SATB2: variants seen among roughly 807,000 people sequenced by gnomAD.
SATB2 encodes DNA-binding protein SATB2.
SATB2 carries 1 observed loss-of-function variant against 73.4 expected under a neutral mutation model. The observed-to-expected ratio is 0.01, with a 90% CI of 0.00 to 0.06. SATB2 has a LOEUF of 0.06. SATB2 is among the 10% of genes least tolerant of loss of function. SATB2 has a pLI of 1.00. For missense variants in SATB2, 459 were observed against 945.8 expected, an observed-to-expected ratio of 0.49 and a Z score of 6.75; for synonymous variants, 397 against 367.0, an observed-to-expected ratio of 1.08 and a Z score of -0.93.
At chr2:199,432,842 C>T (rs950348527) in intron 3 of SATB2, among the ~76,000 whole-genome samples, 3 of 152,038 alleles carry the variant, frequency 2.0e-5, no homozygotes, top group African/African-American at 7.2e-5. Flanking sequence ...AAAGACATGG[C>T]AATATTTTTT....
chr2:199,337,532 C>A (rs1053901255), intron 7 of SATB2, among the ~76,000 whole-genome samples: 1 of 152,000 alleles, frequency 6.6e-6, no homozygotes, highest in East Asian at 1.9e-4. Context: ...TTCATGAAGC[C>A]TTTGCTTTAG....
intron 2 of SATB2, among the ~76,000 whole-genome samples, chr2:199,454,776 G>A (rs948933216): frequency 6.6e-6 from 1 of 152,194 alleles, no homozygotes; most frequent in East Asian, 1.9e-4. Context: ...ACTCTTTAAG[G>A]AGGAATGAAC....
At chr2:199,470,578 A>G (rs1692684260) in intron 1 of SATB2, 1 of 152,320 alleles carries the variant, frequency 6.6e-6, no homozygotes, top group African/African-American at 2.4e-5. Flanking sequence ...TTATGCCCAT[A>G]TATTTGTTAA....
Position 199,308,699 on chromosome 2 carries a change from G to A in SATB2, c.1740+61C>T. The A allele has an allele frequency of 2.1e-6, 3 of 1,452,030 alleles. No individual in the cohort carries two copies. The highest frequency in any genetic ancestry group is 1.9e-6 in the Non-Finnish European group (2 of 1,036,804). 89.9% of individuals were successfully genotyped at this position (1,452,030 alleles called of 1,614,324 possible). A position where few individuals can be genotyped will look rare whatever the true frequency, so the allele number is the denominator to read the frequency against. ...GTGGTGTGTGCCACTTGGACCCTCA[G>A]CAGCTACTGCTGGCACACAGAGCCC... On this transcript the variant is annotated intron_variant, in intron 10 of 10. Transcript: ENST00000417098. The surrounding 1 kb of genome is among the most constrained non-coding windows in gnomAD (Gnocchi z 4.6).
intron 3 of SATB2, among the ~76,000 whole-genome samples, chr2:199,409,767 T>C (rs1371013611): frequency 6.6e-6 from 1 of 152,160 alleles, no homozygotes; most frequent in African/African-American, 2.4e-5. Flanking sequence ...ATGCAAGCAC[T>C]ATTTAGCATT....
intron 3 of SATB2, among the ~76,000 whole-genome samples, chr2:199,422,289 T>C (rs1014113936): frequency 1.3e-5 from 2 of 151,186 alleles, no homozygotes; most frequent in Non-Finnish European, 3.0e-5. Context: ...TCTTCTACTT[T>C]TAAAAATTTT....
rs896006201 is a variant in SATB2 at position 199,270,247 on chromosome 2, C to G, written c.*1964G>C. ...TTAAACATCATTATTTGAAAAAGTACAGGAAAATGTCCCTTTAAAAACTCC... is the reference window on the plus strand; with the variant it reads ...TTAAACATCATTATTTGAAAAAGTAGAGGAAAATGTCCCTTTAAAAACTCC... On this transcript the variant is annotated 3_prime_UTR_variant, in exon 11 of 11. Transcript: ENST00000417098. 2.6e-5 allele frequency: 4 copies of G among 152,702 alleles called. No individual in the cohort carries two copies. Among genetic ancestry groups the G allele is most frequent in the Admixed American group, 1.3e-4 (2 of 15,280 alleles). 9.5% of individuals were successfully genotyped at this position (152,702 alleles called of 1,614,324 possible).
chr2:199,324,573 C>T (rs1055603849), intron 8 of SATB2, among the ~76,000 whole-genome samples: 3 of 151,974 alleles, frequency 2.0e-5, no homozygotes, highest in African/African-American at 4.8e-5. Context: ...TTTGATGTGC[C>T]GTTTTCATTT....
intron 5 of SATB2, among the ~76,000 whole-genome samples, chr2:199,373,813 T>C (rs1689518449): frequency 6.6e-6 from 1 of 152,188 alleles, no homozygotes; most frequent in Admixed American, 6.5e-5. Flanking sequence ...CAAACTAAAA[T>C]AACCTCACAT....
At chr2:199,319,924 G>A (rs1426858763) in intron 9 of SATB2, among the ~76,000 whole-genome samples, 1 of 152,032 alleles carries the variant, frequency 6.6e-6, no homozygotes, top group Non-Finnish European at 1.5e-5. Context: ...TGAGGATGTT[G>A]TCAAAGTACA....
At chr2:199,430,646 A>C (rs891763705) in intron 3 of SATB2, among the ~76,000 whole-genome samples, 6 of 152,222 alleles carry the variant, frequency 3.9e-5, no homozygotes. Flanking sequence ...ACTCCATTTT[A>C]GTAGAATTTC....
intron 6 of SATB2, among the ~76,000 whole-genome samples, chr2:199,362,800 A>C (rs961268155): frequency 7.2e-5 from 11 of 152,156 alleles, no homozygotes; most frequent in Admixed American, 6.5e-4. Flanking sequence ...GAAAGCAGGA[A>C]CTATGTCTTA....
rs142045393 is a variant in SATB2 at position 199,289,435 on chromosome 2, CGAG to C, written c.1741-16766_1741-16764del. On this transcript the variant is annotated intron_variant, in intron 10 of 10. Transcript: ENST00000417098. ...TTCTCACAAGCAAGATTCCAGTCTC[CGAG>C]CAGCAGAGGACCATGCTACTCCCAC... Among the ~76,000 whole-genome samples, 8 of 152,208 alleles carry C rather than the reference CGAG, an allele frequency of 5.3e-5. No homozygotes were observed. The East Asian group carries it at 1.5e-3, about 29-fold the overall frequency.
At chr2:199,373,172 G>A (rs746788601) in intron 5 of SATB2, among the ~76,000 whole-genome samples, 2 of 152,064 alleles carry the variant, frequency 1.3e-5, no homozygotes, top group Non-Finnish European at 1.5e-5. Flanking sequence ...AAGAGGAGGG[G>A]CATCCCCTAG....
chr2:199,433,365 A>C lies in SATB2; in HGVS notation c.319T>G (p.Ser107Ala). ...TGGGCCTGGGCCGCAGAGCTGTGAG[A>C]ATACCCCAGGGCCAGGAGCGCAGTC... ...VETALLALGYSHSSAAQAQGI... is the reference protein window; with the variant it reads ...VETALLALGYAHSSAAQAQGI... Residue 107 changes from serine to alanine, a missense_variant, in exon 3 of 11, where the codon TCT becomes GCT. Around this residue, in one of 13 missense-constraint regions of SATB2, gnomAD observed 56 missense variants for 183.7 expected, o/e 0.30. Coordinates refer to ENST00000417098, the MANE Select transcript of SATB2 (RefSeq NM_001172509.2). 1 of 1,614,110 alleles carries C rather than the reference A, an allele frequency of 6.2e-7. No homozygotes were observed. The highest frequency in any genetic ancestry group is 8.5e-7 in the Non-Finnish European group (1 of 1,179,994).
chr2:199,456,143 A>T (rs1692267848), intron 1 of SATB2, 47 bp from the exon 2 acceptor site: 1 of 1,043,014 alleles, frequency 9.6e-7, no homozygotes, highest in African/African-American at 1.6e-5. Flanking sequence ...AAAAAGAGGG[A>T]AAACCGCTCA....
chr2:199,358,631 C>T (rs978254631), intron 6 of SATB2, among the ~76,000 whole-genome samples: 1 of 152,154 alleles, frequency 6.6e-6, no homozygotes, highest in African/African-American at 2.4e-5. Context: ...AATAAAACAG[C>T]CCATAAGCAA....
chr2:199,310,315 A>C (rs865897588), intron 9 of SATB2, among the ~76,000 whole-genome samples: 2 of 152,188 alleles, frequency 1.3e-5, no homozygotes, highest in East Asian at 3.9e-4. Context: ...CTTGCAATAA[A>C]CTGGAAGCTT....
At chr2:199,277,454 G>A (rs1213385822) in intron 10 of SATB2, among the ~76,000 whole-genome samples, 1 of 152,014 alleles carries the variant, frequency 6.6e-6, no homozygotes, top group African/African-American at 2.4e-5. Flanking sequence ...ATTCTGTAAG[G>A]GTAACTATCC....
Sources: allele counts gnomAD v4.1 joint callset (sites outside exome capture counted in the v4.1 genomes callset), GRCh38; gene constraint gnomAD v4.1.1; regional missense constraint gnomAD v4.1.1; non-coding constraint Gnocchi (gnomAD v3.1); transcripts MANE v1.5; gene names NCBI Gene and HGNC (gene_info 2026-07-23, HGNC 2026-07-21).